Variants in SLC25A12 observed in about 807,000 individuals in gnomAD.
The protein encoded by SLC25A12 is electrogenic aspartate/glutamate antiporter SLC25A12, mitochondrial.
SLC25A12 carries 32 observed loss-of-function variants against 83.3 expected under a neutral mutation model. The observed-to-expected ratio is 0.38, with a 90% CI of 0.29 to 0.52. The LOEUF is 0.52. Ranked by LOEUF, SLC25A12 falls within the 20% of genes least tolerant of loss-of-function variation. The pLI, the probability that SLC25A12 is intolerant of heterozygous loss-of-function variation, is 0.84. For missense variants in SLC25A12, 611 were observed against 835.6 expected, an observed-to-expected ratio of 0.73 and a Z score of 3.31; for synonymous variants, 267 against 291.1, an observed-to-expected ratio of 0.92 and a Z score of 0.84.
chr2:171,855,327 T>C (rs1685024364), intron 4 of SLC25A12, among the ~76,000 whole-genome samples: 2 of 152,302 alleles, frequency 1.3e-5, no homozygotes, highest in African/African-American at 2.4e-5. Context: ...AATTTTAATA[T>C]TCTAGCCTCT....
At position 171,810,287 on chromosome 2, in the gene SLC25A12, G is replaced by A; in HGVS notation, c.1172-11C>T. On this transcript the variant is annotated splice_polypyrimidine_tract_variant and intron_variant, in intron 11 of 17. Coordinates refer to ENST00000422440, the MANE Select transcript of SLC25A12 (RefSeq NM_003705.5). Reference sequence around the variant, plus strand: ...GTTGTGGTATCAGACCTAGGTAAAGGGACAGAATCATCAGCAATATAGCTG... The same window carrying A: ...GTTGTGGTATCAGACCTAGGTAAAGAGACAGAATCATCAGCAATATAGCTG... 6.2e-7 allele frequency: 1 copy of A among 1,610,814 alleles called. No individual in the cohort carries two copies. The highest frequency in any genetic ancestry group is 8.5e-7 in the Non-Finnish European group (1 of 1,177,314).
chr2:171,791,491 G>T lies in SLC25A12; in HGVS notation c.1545C>A (p.His515Gln), dbSNP rs746499102. The change falls in exon 15 of 18, where the codon CAC becomes CAA. Residue 515 changes from histidine (H) to glutamine (Q), a missense_variant. By Grantham distance (24) the His-to-Gln change is conservative. This residue lies in a region of SLC25A12 where 540 missense variants were observed against 777.5 expected (regional missense o/e 0.69). Transcript: ENST00000422440. ...CTGCAAGAAGATTTAAACCTCCCACGTGTCCATTTTCATCAGCCAGAAGTA... is the reference window on the plus strand; with the variant it reads ...CTGCAAGAAGATTTAAACCTCCCACTTGTCCATTTTCATCAGCCAGAAGTA... ...CKLLLADENG[H>Q]VGGLNLLAAG... 16 of 1,613,848 alleles carry T rather than the reference G, an allele frequency of 9.9e-6. No individual in the cohort carries two copies. The East Asian group carries it at 2.0e-4, about 20-fold the overall frequency.
At chr2:171,834,933 CT>C (rs913290546) in intron 6 of SLC25A12, 68 bp from the exon 7 acceptor site, 1 of 1,527,854 alleles carries the variant, frequency 6.5e-7, no homozygotes, top group African/African-American at 1.4e-5. Context: ...GGACACTGTA[CT>C]TTTCTCAAAG....
chr2:171,819,871 T>C lies in SLC25A12; in HGVS notation c.931-4669A>G, dbSNP rs115011274. ...GCTATACACAAAATAAAGATAAAAG[T>C]AATTCTAATATGCAGCCATAAAAAA... is the stretch of plus-strand genomic sequence containing the variant. On this transcript the variant is annotated intron_variant, in intron 9 of 17. Coordinates refer to ENST00000422440, the MANE Select transcript of SLC25A12 (RefSeq NM_003705.5). Among the ~76,000 whole-genome samples, 442 of 152,252 alleles carry C rather than the reference T, an allele frequency of 2.9e-3. 4 individuals carry two copies. Among genetic ancestry groups the C allele is most frequent in the African/African-American group, 9.9e-3 (411 of 41,542 alleles).
intron 9 of SLC25A12, among the ~76,000 whole-genome samples, chr2:171,816,770 A>G (rs1204922222): frequency 6.6e-6 from 1 of 152,218 alleles, no homozygotes; most frequent in African/African-American, 2.4e-5. Flanking sequence ...TTTCAAAGAC[A>G]ACAGTTGAAA....
chr2:171,794,081 A>T (rs1031054773), intron 13 of SLC25A12, among the ~76,000 whole-genome samples: 1 of 152,032 alleles, frequency 6.6e-6, no homozygotes, highest in Admixed American at 6.6e-5. Context: ...ACCCATTTGG[A>T]AAAAAAAGCG....
intron 5 of SLC25A12, among the ~76,000 whole-genome samples, chr2:171,843,036 G>C (rs1487469122): frequency 6.6e-6 from 1 of 152,070 alleles, no homozygotes; most frequent in East Asian, 1.9e-4. Context: ...GGCCAGGCTG[G>C]TCTTAAAGTC....
chr2:171,861,213 T>A (rs1404045001), intron 3 of SLC25A12, among the ~76,000 whole-genome samples: 1 of 152,078 alleles, frequency 6.6e-6, no homozygotes, highest in Non-Finnish European at 1.5e-5. Context: ...CTTTCTTGAA[T>A]GTTTGAAAAT....
chr2:171,890,906 T>C (rs1460466507), intron 2 of SLC25A12, among the ~76,000 whole-genome samples: 1 of 152,218 alleles, frequency 6.6e-6, no homozygotes, highest in Non-Finnish European at 1.5e-5. Context: ...TAAGCAGTTA[T>C]GAATTCCACA....
rs1359148219 is a variant in SLC25A12 at position 171,783,500 on chromosome 2, T to G, written c.*1774A>C. 1.3e-5 allele frequency among the ~76,000 whole-genome samples: 2 copies of G among 152,192 alleles called. No homozygotes were observed. Among genetic ancestry groups the G allele is most frequent in the Non-Finnish European group, 2.9e-5 (2 of 68,030 alleles). On this transcript the variant is annotated 3_prime_UTR_variant, in exon 18 of 18. Coordinates refer to ENST00000422440, the MANE Select transcript of SLC25A12 (RefSeq NM_003705.5). ...GACACAGAATAACACACACATAACA[T>G]AATCCTGTTTCTAAAATATAAATAT...
chr2:171,812,124 TCA>T (rs1469446547), intron 11 of SLC25A12, among the ~76,000 whole-genome samples: 1 of 152,204 alleles, frequency 6.6e-6, no homozygotes, highest in Non-Finnish European at 1.5e-5. Context: ...GGAAAACTCA[TCA>T]CATTCATTCT....
intron 17 of SLC25A12, 99 bp downstream of exon 17, chr2:171,787,472 T>C (rs556679834): frequency 2.3e-5 from 22 of 939,410 alleles, no homozygotes; most frequent in African/African-American, 1.1e-4. Flanking sequence ...TTCTGTCTTA[T>C]CAGTTTTCTA....
At chr2:171,869,677 C>T (rs944665184) in intron 2 of SLC25A12, among the ~76,000 whole-genome samples, 3 of 152,170 alleles carry the variant, frequency 2.0e-5, no homozygotes, top group African/African-American at 4.8e-5. Flanking sequence ...GCTTTATATA[C>T]TATGGGATGA....
chr2:171,817,155 A>G (rs1684069879), intron 9 of SLC25A12, among the ~76,000 whole-genome samples: 1 of 152,222 alleles, frequency 6.6e-6, no homozygotes, highest in Non-Finnish European at 1.5e-5. Flanking sequence ...TCTAGCCTCT[A>G]GAACTATGAG....
intron 6 of SLC25A12, among the ~76,000 whole-genome samples, chr2:171,836,198 G>A (rs1684552834): frequency 6.6e-6 from 1 of 152,114 alleles, no homozygotes; most frequent in African/African-American, 2.4e-5. Context: ...AGGAGAAAGT[G>A]ACATGGTCCA....
intron 6 of SLC25A12, among the ~76,000 whole-genome samples, chr2:171,835,545 T>G (rs1684536566): frequency 6.6e-6 from 1 of 152,196 alleles, no homozygotes; most frequent in Non-Finnish European, 1.5e-5. Flanking sequence ...TGGCCTTCAT[T>G]ACCTCTGCAG....
chr2:171,835,364 T>C (rs926711971), intron 6 of SLC25A12, among the ~76,000 whole-genome samples: 2 of 152,236 alleles, frequency 1.3e-5, no homozygotes, highest in Non-Finnish European at 2.9e-5. Context: ...ACTGTTATAA[T>C]TAAAATACTT....
At chr2:171,849,343 A>G (rs1454748723) in intron 4 of SLC25A12, among the ~76,000 whole-genome samples, 1 of 138,158 alleles carries the variant, frequency 7.2e-6, no homozygotes, top group Non-Finnish European at 1.7e-5. Context: ...AGCCTTGAGT[A>G]CTAAAAAAAA....
chr2:171,819,622 A>G lies in SLC25A12; in HGVS notation c.931-4420T>C, dbSNP rs928458912. Among the ~76,000 whole-genome samples the G allele has an allele frequency of 3.3e-5, 5 of 151,038 alleles. No individual in the cohort carries two copies. The East Asian group carries it at 9.6e-4, about 29-fold the overall frequency. On this transcript the variant is annotated intron_variant, in intron 9 of 17. Transcript: ENST00000422440. ...TTTAAATGAGTTAAATGACTAATAAATAATAGCTAATAATAGACTAATAAA... is the reference window on the plus strand; with the variant it reads ...TTTAAATGAGTTAAATGACTAATAAGTAATAGCTAATAATAGACTAATAAA...
Sources: gnomAD v4.1 joint callset for allele counts (sites outside exome capture counted in the v4.1 genomes callset) on GRCh38, gnomAD v4.1.1 for gene constraint, gnomAD v4.1.1 regional missense constraint, MANE v1.5 for transcripts, NCBI Gene and HGNC (gene_info 2026-07-23, HGNC 2026-07-21) for gene names.